Variants in TMTC4 observed in about 807,000 individuals in gnomAD.
The protein encoded by TMTC4 is protein O-mannosyl-transferase TMTC4.
Under a neutral mutation model 86.0 loss-of-function variants are expected in TMTC4, and 65 were observed. The ratio of observed to expected loss-of-function variants is 0.76; its 90% CI spans 0.62 to 0.93. TMTC4 has a LOEUF of 0.93. TMTC4 is among the 40% of genes least tolerant of loss of function. The pLI, the probability that TMTC4 is intolerant of heterozygous loss-of-function variation, is 0.00. For missense variants in TMTC4, 866 were observed against 948.1 expected (o/e 0.91, Z 1.14); for synonymous variants, 379 against 382.5 (o/e 0.99, Z 0.11).
At chr13:100,673,214 C>G (rs539328384) in intron 1 of TMTC4, 1 of 631,582 alleles carries the variant, frequency 1.6e-6, no homozygotes, top group South Asian at 7.0e-5. Flanking sequence ...CACACAGGGA[C>G]CCCAGAAAAA....
At chr13:100,625,144 C>A in intron 15 of TMTC4, 1 of 215,696 alleles carries the variant, frequency 4.6e-6, no homozygotes, top group Non-Finnish European at 9.4e-6. Context: ...CAAGGGAGCT[C>A]AGAAATCATA....
rs371842620 is a variant in TMTC4 at position 100,603,758 on chromosome 13, G to A, written c.*1236C>T. Among the ~76,000 whole-genome samples the A allele has an allele frequency of 2.6e-5, 4 of 152,184 alleles. No individual in the cohort carries two copies. The highest frequency in any genetic ancestry group is 3.9e-4 in the East Asian group (2 of 5,186). ...CATTCCTCTCAGTGTGGATCTACTC[G>A]CTCTGTTCTCTGAACTTGGAAAACA... is the stretch of plus-strand genomic sequence containing the variant. On this transcript the variant is annotated 3_prime_UTR_variant, in exon 19 of 19. Transcript: ENST00000342624.
intron 15 of TMTC4, among the ~76,000 whole-genome samples, chr13:100,619,201 GC>G (rs1291339695): frequency 6.6e-6 from 1 of 152,158 alleles, no homozygotes; most frequent in Non-Finnish European, 1.5e-5. Flanking sequence ...GGATGGGGCG[GC>G]CGGCCGGGCA....
rs1882411046 is a variant in TMTC4, at chr13:100,637,536, AC to A, written c.999+1del. ...CCAGGGGGCGGCAGGCTCAGAACTC[AC>A]CCTCACCAGCATGCTGTCAGCAAAG... On this transcript the variant is annotated splice_donor_variant, in intron 9 of 18. Transcript: ENST00000342624. LOFTEE classifies it high-confidence loss of function. 6.2e-7 allele frequency: 1 copy of A among 1,611,738 alleles called. No homozygotes were observed. The highest frequency in any genetic ancestry group is 2.2e-5 in the East Asian group (1 of 44,812).
At chr13:100,610,904 A>G (rs1043049121) in intron 17 of TMTC4, among the ~76,000 whole-genome samples, 1 of 152,160 alleles carries the variant, frequency 6.6e-6, no homozygotes, top group African/African-American at 2.4e-5. Context: ...TGTAAACCTC[A>G]CCTCCTTCCC....
At chr13:100,650,628 C>T (rs181564043) in intron 6 of TMTC4, among the ~76,000 whole-genome samples, 3 of 152,340 alleles carry the variant, frequency 2.0e-5, no homozygotes, top group South Asian at 4.1e-4. Flanking sequence ...AAAGCTGGAA[C>T]GACCAAGCCG....
intron 5 of TMTC4, among the ~76,000 whole-genome samples, chr13:100,656,741 A>G (rs1315470332): frequency 1.3e-5 from 2 of 151,836 alleles, no homozygotes; most frequent in African/African-American, 2.4e-5. Context: ...ACGGGGTTTC[A>G]CCATGTTGCC....
rs140993774 is a variant in TMTC4, at chr13:100,634,893, G to C, written c.1418C>G (p.Thr473Arg). The C allele has an allele frequency of 6.2e-7, 1 of 1,614,154 alleles. No homozygotes were observed. The highest frequency in any genetic ancestry group is 8.5e-7 in the Non-Finnish European group (1 of 1,180,034). Residue 473 changes from threonine (T) to arginine (R), a missense_variant, in exon 12 of 19, where the codon ACG becomes AGG. Thr to Arg is a moderately conservative substitution (Grantham distance 71, BLOSUM62 -1). Transcript: ENST00000342624. ...GCCGCTGCGCAGCACACATCTCAGCGTGTTGATGAATAAGATTCCCAGCAC... is the reference window on the plus strand; with the variant it reads ...GCCGCTGCGCAGCACACATCTCAGCCTGTTGATGAATAAGATTCCCAGCAC... ...AVVLGILFIN[T>R]LRCVLRSGEW...
intron 7 of TMTC4, among the ~76,000 whole-genome samples, chr13:100,641,513 G>C (rs1485403888): frequency 1.3e-5 from 2 of 151,120 alleles, no homozygotes; most frequent in East Asian, 3.9e-4. Flanking sequence ...TTGAGATGTA[G>C]TTTTGCTGTT....
At chr13:100,671,724 TTCTC>T (rs1887126129) in intron 1 of TMTC4, among the ~76,000 whole-genome samples, 1 of 152,146 alleles carries the variant, frequency 6.6e-6, no homozygotes. Context: ...ACTCCCCTGC[TTCTC>T]TATCTCAGGG....
chr13:100,614,542 A>G, intron 15 of TMTC4, 112 bp from the exon 16 acceptor site: 1 of 771,916 alleles, frequency 1.3e-6, no homozygotes, highest in Non-Finnish European at 2.0e-6. Context: ...ACAACAATAA[A>G]AAACCAAAAC....
intron 12 of TMTC4, among the ~76,000 whole-genome samples, chr13:100,626,711 G>T (rs559187057): frequency 1.3e-5 from 2 of 152,294 alleles, no homozygotes; most frequent in East Asian, 3.9e-4. Context: ...ATGTGGACAT[G>T]AGTAGAAGAA....
At chr13:100,628,641 G>A (rs1277896781) in intron 12 of TMTC4, among the ~76,000 whole-genome samples, 1 of 152,186 alleles carries the variant, frequency 6.6e-6, no homozygotes, top group African/African-American at 2.4e-5. Context: ...TTCAATGACT[G>A]AAGAGGGGGT....
intron 4 of TMTC4, among the ~76,000 whole-genome samples, 170 bp downstream of exon 4, chr13:100,664,051 C>G (rs748500726): frequency 2.6e-5 from 4 of 152,090 alleles, no homozygotes; most frequent in Admixed American, 6.5e-5. Flanking sequence ...TCACAGGGGC[C>G]ACGCTGGCCT....
In TMTC4 at chr13:100,637,558, C is replaced by G. The variant is rs1381149813; in HGVS notation, c.979G>C (p.Ala327Pro). ...FTEVDNPASFADSMLVRAVNY... is the reference protein window; with the variant it reads ...FTEVDNPASFPDSMLVRAVNY... The stretch of plus-strand genomic sequence containing the variant: ...CTCACCCTCACCAGCATGCTGTCAG[C>G]AAAGGAGGCCGGGTTGTCCACCTCG... Residue 327 changes from alanine (A) to proline (P), a missense_variant, in exon 9 of 19, where the codon GCT (alanine) becomes CCT (proline). Coordinates refer to ENST00000342624, the MANE Select transcript of TMTC4 (RefSeq NM_032813.5). The G allele has an allele frequency of 1.9e-6, 3 of 1,613,760 alleles. No homozygotes were observed. The Admixed American group carries it at 5.0e-5, about 27-fold the overall frequency.
chr13:100,671,331 A>G (rs1177884659), intron 1 of TMTC4, among the ~76,000 whole-genome samples: 1 of 152,148 alleles, frequency 6.6e-6, no homozygotes, highest in Non-Finnish European at 1.5e-5. Flanking sequence ...TTTGAAAATT[A>G]TTTCACAAAC....
Position 100,634,906 on chromosome 13 carries a change from A to T in TMTC4, c.1405T>A (p.Leu469Ile). 1 of 1,614,154 alleles carries T rather than the reference A, an allele frequency of 6.2e-7. No individual in the cohort carries two copies. Among genetic ancestry groups the T allele is most frequent in the South Asian group, 1.1e-5 (1 of 91,072 alleles). The part of the protein sequence containing the change: ...KLIAAVVLGI[L>I]FINTLRCVLR... ...ACACATCTCAGCGTGTTGATGAATAAGATTCCCAGCACGACAGCGGCAATG... is the reference window on the plus strand; with the variant it reads ...ACACATCTCAGCGTGTTGATGAATATGATTCCCAGCACGACAGCGGCAATG... Residue 469 changes from leucine (L) to isoleucine (I), a missense_variant, in exon 12 of 19, where the codon TTA becomes ATA. Leu to Ile is a conservative substitution (Grantham distance 5, BLOSUM62 2). Transcript: ENST00000342624.
chr13:100,624,354 T>TAAAA (rs35964157), intron 15 of TMTC4: 45,017 of 118,346 alleles, frequency 0.38, 7,431 homozygotes, highest in East Asian at 0.67. Context: ...AAAAAAAAAA[T>TAAAA]AAAAAAAAAA....
chr13:100,648,728 G>A (rs1475001963), intron 6 of TMTC4, among the ~76,000 whole-genome samples: 6 of 152,208 alleles, frequency 3.9e-5, no homozygotes, highest in Non-Finnish European at 8.8e-5. Flanking sequence ...TGCCCAGGCT[G>A]GAGTACAGTA....
Sources: allele counts gnomAD v4.1 joint callset (sites outside exome capture counted in the v4.1 genomes callset), GRCh38; gene constraint gnomAD v4.1.1; transcripts MANE v1.5; gene names NCBI Gene and HGNC (gene_info 2026-07-23, HGNC 2026-07-21).